Variants in DGKB observed in about 807,000 individuals in gnomAD.
DGKB encodes 90 kDa diacylglycerol kinase.
In DGKB, 67 loss-of-function variants were observed where a neutral mutation model predicts 114.3. The ratio of observed to expected loss-of-function variants is 0.59; its 90% CI spans 0.48 to 0.72. The LOEUF is 0.72. Among genes scored for constraint, DGKB ranks in the 30% least tolerant of loss-of-function variants. The pLI, the probability that DGKB is intolerant of heterozygous loss-of-function variation, is 0.00. For missense variants in DGKB, 907 were observed against 975.2 expected, an observed-to-expected ratio of 0.93 and a Z score of 0.93; for synonymous variants, 398 against 323.1, an observed-to-expected ratio of 1.23 and a Z score of -2.49.
intron 23 of DGKB, among the ~76,000 whole-genome samples, chr7:14,213,528 C>T (rs533283050): frequency 6.6e-6 from 1 of 152,238 alleles, no homozygotes; most frequent in East Asian, 1.9e-4. Flanking sequence ...ACATGTCTCC[C>T]TCTGGAGCAA....
At chr7:14,392,989 G>GTGTTTGTTTTTTTTT (rs1821564246) in intron 21 of DGKB, among the ~76,000 whole-genome samples, 1 of 10,168 alleles carries the variant, frequency 9.8e-5, no homozygotes, top group African/African-American at 2.3e-4. Flanking sequence ...CCTGTTTTTT[G>GTGTTTGTTTTTTTTT]TTTTTGTTTT....
chr7:14,297,608 G>A (rs1802805171), intron 23 of DGKB, among the ~76,000 whole-genome samples: 1 of 152,050 alleles, frequency 6.6e-6, no homozygotes, highest in Admixed American at 6.6e-5. Context: ...ATACTGAATG[G>A]GCAAAATCTG....
chr7:14,425,747 G>C (rs949942824), intron 21 of DGKB, among the ~76,000 whole-genome samples: 1 of 152,128 alleles, frequency 6.6e-6, no homozygotes, highest in African/African-American at 2.4e-5. Context: ...CCTGCAGTAT[G>C]TCATTGACAT....
chr7:14,766,853 G>T (rs958498920), intron 2 of DGKB, among the ~76,000 whole-genome samples: 1 of 151,720 alleles, frequency 6.6e-6, no homozygotes, highest in Non-Finnish European at 1.5e-5. Context: ...GAAAAATAAT[G>T]TATCCCAAAA....
chr7:14,415,131 T>G (rs1212942940), intron 21 of DGKB, among the ~76,000 whole-genome samples: 1 of 151,828 alleles, frequency 6.6e-6, no homozygotes, highest in Non-Finnish European at 1.5e-5. Context: ...TTATATAAAG[T>G]GATTACATAT....
At chr7:14,251,128 T>C (rs190635845) in intron 23 of DGKB, among the ~76,000 whole-genome samples, 35 of 152,296 alleles carry the variant, frequency 2.3e-4, no homozygotes, top group Middle Eastern at 3.4e-3. Flanking sequence ...TACTCAAATT[T>C]AATGTAATTG....
intron 20 of DGKB, among the ~76,000 whole-genome samples, chr7:14,571,536 T>G (rs1441344522): frequency 2.0e-5 from 3 of 152,202 alleles, no homozygotes; most frequent in Non-Finnish European, 4.4e-5. Context: ...TCATATGGGC[T>G]GTGATAAACT....
chr7:14,709,838 G>T (rs1434221613), intron 6 of DGKB, among the ~76,000 whole-genome samples: 1 of 147,412 alleles, frequency 6.8e-6, no homozygotes. Context: ...AGGGGAGAGG[G>T]ATAGCATTGG....
rs1463141725 is a variant in DGKB at position 14,729,123 on chromosome 7, C to CTTTCTTTTTTTT, written c.322+6917_322+6918insAAAAAAAAGAAA. On this transcript the variant is annotated intron_variant, in intron 5 of 25. Coordinates refer to ENST00000402815, the MANE Select transcript of DGKB (RefSeq NM_001350709.2). The stretch of plus-strand genomic sequence containing the variant: ...AATGGAAACGGGTTTCATTTTCTTT[C>CTTTCTTTTTTTT]TTTTTTTTTTTTTTTTTTTGATGGA... Among the ~76,000 whole-genome samples, 122 of 113,364 alleles carry CTTTCTTTTTTTT rather than the reference C, an allele frequency of 1.1e-3. 3 individuals are homozygous for CTTTCTTTTTTTT. Among genetic ancestry groups the CTTTCTTTTTTTT allele is most frequent in the African/African-American group, 4.3e-3 (119 of 27,436 alleles). The allele number at this position is 113,364 out of a possible 152,430, so 74.4% of individuals were successfully genotyped here.
chr7:14,539,981 A>G (rs1793152405), intron 20 of DGKB, among the ~76,000 whole-genome samples: 1 of 152,068 alleles, frequency 6.6e-6, no homozygotes, highest in Non-Finnish European at 1.5e-5. Flanking sequence ...GCAGAAAAAC[A>G]TCATTGAGCA....
At chr7:14,968,787 T>C (rs1168067503) in intron 1 of DGKB, among the ~76,000 whole-genome samples, 1 of 152,188 alleles carries the variant, frequency 6.6e-6, no homozygotes, top group Non-Finnish European at 1.5e-5. Flanking sequence ...ATGGCATTCT[T>C]TATTTGAGCA....
intron 20 of DGKB, among the ~76,000 whole-genome samples, chr7:14,481,154 A>G (rs1782930367): frequency 6.6e-6 from 1 of 151,960 alleles, no homozygotes; most frequent in African/African-American, 2.4e-5. Flanking sequence ...GTATATGCAA[A>G]TATATGTATA....
Position 14,878,757 on chromosome 7 carries a change from A to AC in DGKB, c.-188+23834_-188+23835insG, listed in dbSNP as rs1261994155. Reference sequence around the variant, plus strand: ...GCGTGAGACTCCGTCTCAAAAAACAAAAAAAAAAAAACAAAAAAAAAAAAC... The same window carrying AC: ...GCGTGAGACTCCGTCTCAAAAAACAACAAAAAAAAAAACAAAAAAAAAAAAC... On this transcript the variant is annotated intron_variant, in intron 1 of 25. Coordinates refer to ENST00000402815, the MANE Select transcript of DGKB (RefSeq NM_001350709.2). 1.9e-3 allele frequency among the ~76,000 whole-genome samples: 278 copies of AC among 146,356 alleles called. 4 individuals carry two copies. The highest frequency in any genetic ancestry group is 0.016 in the South Asian group (77 of 4,726).
At chr7:14,258,546 T>A (rs1796277694) in intron 23 of DGKB, among the ~76,000 whole-genome samples, 1 of 152,174 alleles carries the variant, frequency 6.6e-6, no homozygotes, top group South Asian at 2.1e-4. Flanking sequence ...TCCAAGAACA[T>A]TTAATCAGTT....
chr7:14,206,915 A>G (rs1266463859), intron 23 of DGKB, among the ~76,000 whole-genome samples: 2 of 152,110 alleles, frequency 1.3e-5, no homozygotes, highest in South Asian at 2.1e-4. Context: ...AGCACAACTC[A>G]TATCAGTTAT....
intron 20 of DGKB, among the ~76,000 whole-genome samples, chr7:14,530,261 T>C (rs1791356939): frequency 6.6e-6 from 1 of 151,510 alleles, no homozygotes; most frequent in African/African-American, 2.4e-5. Context: ...TTACGAAGCA[T>C]ACAAAAAGAG....
intron 5 of DGKB, among the ~76,000 whole-genome samples, chr7:14,727,219 A>T (rs576234148): frequency 6.6e-6 from 1 of 152,176 alleles, no homozygotes; most frequent in Non-Finnish European, 1.5e-5. Flanking sequence ...AAGGTGGAAA[A>T]TTTGAGGACC....
chr7:14,263,326 C>G (rs530914316), intron 23 of DGKB, among the ~76,000 whole-genome samples: 10 of 152,240 alleles, frequency 6.6e-5, no homozygotes, highest in African/African-American at 2.4e-4. Flanking sequence ...AGCTATAGCT[C>G]TCTTTAAAAT....
chr7:14,456,209 G>C (rs928161882), intron 21 of DGKB, among the ~76,000 whole-genome samples: 3 of 151,808 alleles, frequency 2.0e-5, no homozygotes, highest in African/African-American at 7.3e-5. Context: ...ATAGACTTGG[G>C]TCATATCACC....
Sources: allele counts gnomAD v4.1 joint callset (sites outside exome capture counted in the v4.1 genomes callset), GRCh38; gene constraint gnomAD v4.1.1; transcripts MANE v1.5; gene names NCBI Gene and HGNC (gene_info 2026-07-23, HGNC 2026-07-21).